Variants in EPHA1 observed in about 807,000 individuals in gnomAD.
EPHA1 encodes ephrin type-A receptor 1.
EPHA1 carries 92 observed loss-of-function variants against 110.1 expected under a neutral mutation model. The observed-to-expected ratio is 0.84, with a 90% CI of 0.71 to 0.99. The LOEUF is 0.99. Ranked by LOEUF, EPHA1 falls within the 50% of genes least tolerant of loss-of-function variation. The pLI is 0.00. For missense variants in EPHA1, 1,204 were observed against 1,285.4 expected (o/e 0.94, Z 0.97); for synonymous variants, 500 against 516.1 (o/e 0.97, Z 0.42).
intron 2 of EPHA1, among the ~76,000 whole-genome samples, chr7:143,405,429 A>G (rs1382850426): frequency 1.8e-5 from 2 of 108,708 alleles, no homozygotes; most frequent in Non-Finnish European, 3.9e-5. Context: ...CTGCGTGTGC[A>G]TGTGTGCGTG....
chr7:143,404,493 A>G (rs555347453), intron 2 of EPHA1, among the ~76,000 whole-genome samples: 63 of 152,254 alleles, frequency 4.1e-4, no homozygotes, highest in Middle Eastern at 3.4e-3. Flanking sequence ...CTGGGATTAC[A>G]GGTGTGAGCC....
At position 143,394,324 on chromosome 7, in the gene EPHA1, C is replaced by G. The variant is rs139711610; in HGVS notation, c.2372G>C (p.Arg791Pro). The change falls in exon 15 of 18, where the codon CGT becomes CCT. Residue 791 changes from arginine (R) to proline (P), a missense_variant. By Grantham distance (103) the Arg-to-Pro change is moderately radical. Transcript: ENST00000275815. ...GGCAATGGCTTCAGGGGCTGTCCAACGGATAGGGATCTTTCCTCCCTAAGA... is the reference window on the plus strand; with the variant it reads ...GGCAATGGCTTCAGGGGCTGTCCAAGGGATAGGGATCTTTCCTCCCTAAGA... ...YETQGGKIPI[R>P]WTAPEAIAHR... The G allele has an allele frequency of 5.1e-5, 83 of 1,613,850 alleles. 2 individuals carry two copies. The South Asian group carries it at 8.2e-4, about 16-fold the overall frequency.
In EPHA1 at chr7:143,397,347, C is replaced by G. The variant is rs1301595315; in HGVS notation, c.1728G>C (p.Gln576His). The G allele has an allele frequency of 6.5e-7, 1 of 1,549,938 alleles. No homozygotes were observed. The highest frequency in any genetic ancestry group is 8.7e-7 in the Non-Finnish European group (1 of 1,146,908). ...LVFRSRRAQR[Q>H]RQQRQRDRAT... The stretch of plus-strand genomic sequence containing the variant: ...CGCGGTCACGCTGCCTCTGCTGCCT[C>G]TGCCGCTGGGCTCTCCTGTGGGGGT... The change falls in exon 10 of 18, where the codon CAG becomes CAC. Residue 576 changes from glutamine to histidine, a missense_variant. Transcript: ENST00000275815.
At chr7:143,402,011 C>A (rs1006596655) in intron 2 of EPHA1, among the ~76,000 whole-genome samples, 4 of 152,080 alleles carry the variant, frequency 2.6e-5, no homozygotes, top group Non-Finnish European at 4.4e-5. Context: ...TCAAAGCTCA[C>A]TATAGCCTCA....
chr7:143,402,018 C>T (rs780273564), intron 2 of EPHA1, among the ~76,000 whole-genome samples: 2 of 152,068 alleles, frequency 1.3e-5, no homozygotes, highest in Non-Finnish European at 2.9e-5. Flanking sequence ...TCACTATAGC[C>T]TCAAACTCCT....
At chr7:143,398,287 G>T in intron 7 of EPHA1, 34 bp downstream of exon 7, 1 of 1,612,198 alleles carries the variant, frequency 6.2e-7, no homozygotes, top group Non-Finnish European at 8.5e-7. Context: ...CCCGGGCATG[G>T]ACACTGAAGA....
intron 2 of EPHA1, among the ~76,000 whole-genome samples, chr7:143,402,867 G>A (rs892321311): frequency 1.3e-5 from 2 of 152,072 alleles, no homozygotes; most frequent in African/African-American, 4.8e-5. Flanking sequence ...AAAAAGTAAA[G>A]ACTTACACAG....
At chr7:143,399,587 C>G in intron 4 of EPHA1, 64 bp downstream of exon 4, 1 of 1,598,266 alleles carries the variant, frequency 6.3e-7, no homozygotes, top group Non-Finnish European at 8.5e-7. Flanking sequence ...GCCTCCTTCT[C>G]TGCCGGGGTA....
At position 143,398,674 on chromosome 7, in the gene EPHA1, G is replaced by A. The variant is rs766746633; in HGVS notation, c.1263C>T (p.Ala421=). The change falls in exon 6 of 18, where the codon GCC becomes GCT. Residue 421 remains alanine, a synonymous_variant. Transcript: ENST00000275815. ...PYANYTFNVE[A]QNGVSGLGSS... ...TGCCCAGCCCTGACACTCCATTTTG[G>A]GCTTCCACATTAAAGGTGTAGTTGG... 2 of 1,614,032 alleles carry A rather than the reference G, an allele frequency of 1.2e-6. No homozygotes were observed. The highest frequency in any genetic ancestry group is 1.7e-4 in the Middle Eastern group (1 of 6,060).
intron 4 of EPHA1, 42 bp downstream of exon 4, chr7:143,399,609 C>T: frequency 1.2e-6 from 2 of 1,608,526 alleles, no homozygotes; most frequent in Non-Finnish European, 1.7e-6. Context: ...TCCTGCAATC[C>T]TCCCGAGTGG....
At chr7:143,404,328 T>C (rs920257826) in intron 2 of EPHA1, among the ~76,000 whole-genome samples, 2 of 152,010 alleles carry the variant, frequency 1.3e-5, no homozygotes, top group African/African-American at 4.8e-5. Context: ...GCCATTCTCC[T>C]GCTTCAGCCT....
chr7:143,398,240 C>T, intron 7 of EPHA1, 81 bp downstream of exon 7: 2 of 1,595,596 alleles, frequency 1.3e-6, no homozygotes, highest in Non-Finnish European at 1.7e-6. Flanking sequence ...GTGGATTCCT[C>T]CCAACCCACA....
Position 143,398,758 on chromosome 7 carries a change from C to G in EPHA1, c.1179G>C (p.Ser393=). ...GTGTGGTGAGCCCCCGGGCCCCCGG[C>G]GAGAAGTGCACGCCCACCCCACAGG... ...CQPCGVGVHF[S]PGARGLTTPA... The change falls in exon 6 of 18, where the codon TCG becomes TCC. Residue 393 remains serine (S), a synonymous_variant. Transcript: ENST00000275815. 1 of 1,613,884 alleles carries G rather than the reference C, an allele frequency of 6.2e-7. No homozygotes were observed. The highest frequency in any genetic ancestry group is 8.5e-7 in the Non-Finnish European group (1 of 1,179,926).
rs879098618 is a variant in EPHA1, at chr7:143,395,439, T to C, written c.1963A>G (p.Ile655Val). 3 of 1,614,254 alleles carry C rather than the reference T, an allele frequency of 1.9e-6. No homozygotes were observed. The highest frequency in any genetic ancestry group is 2.2e-5 in the South Asian group (2 of 91,086). ...GGGGATGTGTCTTTTAAGGTCTTAA[T>C]GGCCACAGTCTTGCAGTCCTGGCTG... ...LPSQDCKTVA[I>V]KTLKDTSPGG... The change falls in exon 12 of 18, where the codon ATT becomes GTT. Residue 655 changes from isoleucine (I) to valine (V), a missense_variant. By Grantham distance (29) the Ile-to-Val change is conservative. Coordinates refer to ENST00000275815, the MANE Select transcript of EPHA1 (RefSeq NM_005232.5). This position sits in a 1 kb window ranked among gnomAD's most constrained non-coding sequence, Gnocchi z 4.7.
intron 7 of EPHA1, 75 bp downstream of exon 7, chr7:143,398,246 C>A (rs1039296172): frequency 6.3e-7 from 1 of 1,598,184 alleles, no homozygotes; most frequent in Non-Finnish European, 8.5e-7. Context: ...TCCTCCCAAC[C>A]CACACCCCAG....
chr7:143,392,518 A>G (rs1805117043), intron 16 of EPHA1, among the ~76,000 whole-genome samples: 1 of 152,150 alleles, frequency 6.6e-6, no homozygotes, highest in African/African-American at 2.4e-5. Context: ...GCACTTGAAG[A>G]ACAGCCTTGC....
intron 2 of EPHA1, among the ~76,000 whole-genome samples, chr7:143,405,390 C>T (rs1446700046): frequency 6.6e-6 from 1 of 151,866 alleles, no homozygotes; most frequent in Non-Finnish European, 1.5e-5. Context: ...CTGCTGGCTG[C>T]CACATGGGTG....
In EPHA1 at chr7:143,391,361, G is replaced by T. The variant is rs1472945463; in HGVS notation, c.*96C>A. On this transcript the variant is annotated 3_prime_UTR_variant, in exon 18 of 18. Coordinates refer to ENST00000275815, the MANE Select transcript of EPHA1 (RefSeq NM_005232.5). ...GAAGCAGCACCGATAGCCTAGTCTGGCAGGTTGTGGGAAGGGGCGCAGGGA... is the reference window on the plus strand; with the variant it reads ...GAAGCAGCACCGATAGCCTAGTCTGTCAGGTTGTGGGAAGGGGCGCAGGGA... 2 of 1,430,220 alleles carry T rather than the reference G, an allele frequency of 1.4e-6. No homozygotes were observed. Among genetic ancestry groups the T allele is most frequent in the Non-Finnish European group, 9.6e-7 (1 of 1,038,722 alleles). The allele number at this position is 1,430,220 out of a possible 1,614,324, so 88.6% of individuals were successfully genotyped here. A position where few individuals can be genotyped will look rare whatever the true frequency, so the allele number is the denominator to read the frequency against.
chr7:143,401,335 A>G lies in EPHA1; in HGVS notation c.421T>C (p.Leu141=). 1 of 1,613,692 alleles carries G rather than the reference A, an allele frequency of 6.2e-7. No individual in the cohort carries two copies. The highest frequency in any genetic ancestry group is 8.5e-7 in the Non-Finnish European group (1 of 1,179,884). ...QDVGIQLRRP[L]FQKVTTVAAD... ...GAGGGAAGCAGCACCTTCTGGAACA[A>G]GGGCCGTCGGAGCTGAATGCCCACA... The change falls in exon 3 of 18, where the codon TTG becomes CTG. Residue 141 remains leucine (L), a synonymous_variant. Transcript: ENST00000275815. The surrounding 1 kb of genome is among the most constrained non-coding windows in gnomAD (Gnocchi z 4.1).
Sources: allele counts gnomAD v4.1 joint callset (sites outside exome capture counted in the v4.1 genomes callset), GRCh38; gene constraint gnomAD v4.1.1; non-coding constraint Gnocchi (gnomAD v3.1); transcripts MANE v1.5; gene names NCBI Gene and HGNC (gene_info 2026-07-23, HGNC 2026-07-21).